PRKN: variants seen among roughly 807,000 people sequenced by gnomAD.
The protein encoded by PRKN is E3 ubiquitin-protein ligase parkin.
Under a neutral mutation model 59.5 loss-of-function variants are expected in PRKN, and 56 were observed. The observed-to-expected ratio is 0.94, with a 90% confidence interval of 0.76 to 1.18. The LOEUF (loss-of-function observed/expected upper bound fraction) is 1.18. PRKN is among the 50% of genes most tolerant of loss of function. PRKN has a pLI of 0.00. For missense variants in PRKN, 657 were observed against 596.4 expected, an observed-to-expected ratio of 1.10 and a Z score of -1.06; for synonymous variants, 250 against 222.1, an observed-to-expected ratio of 1.13 and a Z score of -1.12.
chr6:161,887,996 A>T (rs1795216636), intron 6 of PRKN, among the ~76,000 whole-genome samples: 1 of 152,226 alleles, frequency 6.6e-6, no homozygotes, highest in African/African-American at 2.4e-5. Context: ...GGAGCTTGGA[A>T]ATAGAAGTGC....
At chr6:162,433,611 C>G (rs780955137) in intron 2 of PRKN, among the ~76,000 whole-genome samples, 3 of 152,140 alleles carry the variant, frequency 2.0e-5, no homozygotes, top group Non-Finnish European at 4.4e-5. Flanking sequence ...ACTGAGGAAG[C>G]AGATGTTAAT....
intron 2 of PRKN, among the ~76,000 whole-genome samples, chr6:162,442,385 T>C (rs1790099460): frequency 6.6e-6 from 1 of 152,218 alleles, no homozygotes; most frequent in Non-Finnish European, 1.5e-5. Flanking sequence ...TGCAGGGTCC[T>C]TCACAGTCAC....
At chr6:161,958,880 CA>C (rs35807437) in intron 6 of PRKN, among the ~76,000 whole-genome samples, 36,448 of 124,320 alleles carry the variant, frequency 0.29, 5,256 homozygotes, top group Non-Finnish European at 0.38. Flanking sequence ...AACTCCATCT[CA>C]AAAAAAAAAA....
At chr6:161,993,991 T>A (rs1335826657) in intron 5 of PRKN, among the ~76,000 whole-genome samples, 1 of 152,138 alleles carries the variant, frequency 6.6e-6, no homozygotes, top group Admixed American at 6.6e-5. Flanking sequence ...ACTGCTCCCA[T>A]GACCCAAACA....
chr6:162,410,125 G>A (rs923824745), intron 2 of PRKN, among the ~76,000 whole-genome samples: 3 of 152,130 alleles, frequency 2.0e-5, no homozygotes, highest in African/African-American at 7.2e-5. Context: ...GTAGAGATCT[G>A]TGAATGCCTG....
At chr6:162,269,984 C>G (rs1299507014) in intron 2 of PRKN, 1 of 152,154 alleles carries the variant, frequency 6.6e-6, no homozygotes, top group Non-Finnish European at 1.5e-5. Context: ...AATCTAAAAG[C>G]AGAACTACCA....
intron 2 of PRKN, among the ~76,000 whole-genome samples, chr6:162,315,058 T>C (rs969201874): frequency 6.6e-6 from 1 of 152,220 alleles, no homozygotes; most frequent in South Asian, 2.1e-4. Context: ...ATTTTTTAAA[T>C]GTTTTTTCAG....
chr6:161,933,834 C>T (rs114207038), intron 6 of PRKN, among the ~76,000 whole-genome samples: 1 of 151,902 alleles, frequency 6.6e-6, no homozygotes, highest in Non-Finnish European at 1.5e-5. Flanking sequence ...GTCTGTCCTA[C>T]AATGTAAATG....
At chr6:162,222,122 A>C (rs1230462727) in intron 3 of PRKN, among the ~76,000 whole-genome samples, 2 of 152,166 alleles carry the variant, frequency 1.3e-5, no homozygotes, top group Non-Finnish European at 2.9e-5. Context: ...GCAGAATTCT[A>C]TGATAATCCC....
chr6:162,653,690 G>A (rs185059221), intron 1 of PRKN, among the ~76,000 whole-genome samples: 8 of 152,074 alleles, frequency 5.3e-5, no homozygotes, highest in Admixed American at 1.3e-4. Context: ...AAGACAAATC[G>A]TTATAATATC....
chr6:162,267,301 C>T (rs1780186432), intron 2 of PRKN: 2 of 149,634 alleles, frequency 1.3e-5, no homozygotes, highest in South Asian at 4.1e-4. Context: ...CTTTGACAGA[C>T]AGTGGACTCA....
intron 1 of PRKN, among the ~76,000 whole-genome samples, chr6:162,552,360 G>A (rs1298855376): frequency 1.3e-5 from 2 of 152,170 alleles, no homozygotes; most frequent in African/African-American, 4.8e-5. Context: ...AACACTGTAT[G>A]AGCGGGTGGC....
intron 9 of PRKN, among the ~76,000 whole-genome samples, chr6:161,493,707 G>A (rs572630353): frequency 2.4e-4 from 37 of 152,348 alleles, no homozygotes; most frequent in Admixed American, 4.6e-4. Context: ...AGTTGATTCC[G>A]CATAGAGCAT....
chr6:162,281,388 A>AC (rs1463369464), intron 2 of PRKN, among the ~76,000 whole-genome samples: 1 of 152,092 alleles, frequency 6.6e-6, no homozygotes, highest in African/African-American at 2.4e-5. Flanking sequence ...CACGTTCAGC[A>AC]CATGTAGCCC....
chr6:162,515,594 T>A (rs1239706879), intron 1 of PRKN, among the ~76,000 whole-genome samples: 2 of 152,196 alleles, frequency 1.3e-5, no homozygotes, highest in Non-Finnish European at 2.9e-5. Flanking sequence ...GTAAAACTAA[T>A]TTCTAACTTC....
intron 9 of PRKN, among the ~76,000 whole-genome samples, chr6:161,421,063 T>C (rs754827431): frequency 1.3e-5 from 2 of 152,200 alleles, no homozygotes; most frequent in East Asian, 3.9e-4. Flanking sequence ...ATAAACTAAG[T>C]AGAGAAAGGA....
At chr6:161,724,161 A>G (rs79980389) in intron 7 of PRKN, among the ~76,000 whole-genome samples, 4,640 of 152,320 alleles carry the variant, frequency 0.03, 64 homozygotes, top group African/African-American at 0.037. Context: ...GGCACATGGA[A>G]TAAGAGTCCT....
intron 2 of PRKN, among the ~76,000 whole-genome samples, chr6:162,438,577 T>C (rs755834709): frequency 1.3e-5 from 2 of 152,208 alleles, no homozygotes; most frequent in Admixed American, 6.5e-5. Flanking sequence ...GGTTGGCAGT[T>C]CTTTTCTTTC....
intron 2 of PRKN, among the ~76,000 whole-genome samples, chr6:162,298,585 C>T (rs1452435876): frequency 6.6e-6 from 1 of 151,786 alleles, no homozygotes; most frequent in Admixed American, 6.6e-5. Flanking sequence ...ATGACATATG[C>T]TCTCTAATTT....
Sources: gnomAD v4.1 joint callset for allele counts (sites outside exome capture counted in the v4.1 genomes callset) on GRCh38, gnomAD v4.1.1 for gene constraint, MANE v1.5 for transcripts, NCBI Gene and HGNC (gene_info 2026-07-23, HGNC 2026-07-21) for gene names.